Variants in RPAP2 observed in about 807,000 individuals in gnomAD.
The protein encoded by RPAP2 is RNA polymerase II associated protein 2, also known as putative RNA polymerase II subunit B1 CTD phosphatase RPAP2.
A neutral mutation model predicts 73.1 loss-of-function variants in RPAP2; 52 were observed. That is an observed-to-expected ratio of 0.71 (90% CI 0.57 to 0.90). RPAP2 has a LOEUF of 0.90. Ranked by LOEUF, RPAP2 falls within the 40% of genes least tolerant of loss-of-function variation. The pLI is 0.00. For synonymous variants in RPAP2, 225 were observed against 242.1 expected (o/e 0.93, Z 0.65); for missense variants, 598 against 701.8 (o/e 0.85, Z 1.67).
intron 6 of RPAP2, among the ~76,000 whole-genome samples, chr1:92,314,393 A>T: frequency 7.0e-6 from 1 of 143,038 alleles, no homozygotes; most frequent in Non-Finnish European, 1.5e-5. Flanking sequence ...TATTTATTCT[A>T]AGTTGCATAC....
intron 11 of RPAP2, among the ~76,000 whole-genome samples, chr1:92,352,098 C>G (rs1257129166): frequency 6.6e-6 from 1 of 152,162 alleles, no homozygotes; most frequent in Non-Finnish European, 1.5e-5. Flanking sequence ...TTGATGTTCT[C>G]TAATGGAAAG....
chr1:92,376,169 G>A (rs1259032703), intron 11 of RPAP2, among the ~76,000 whole-genome samples: 1 of 152,014 alleles, frequency 6.6e-6, no homozygotes, highest in Non-Finnish European at 1.5e-5. Context: ...ATGATTTAAA[G>A]TATACGGGAG....
intron 11 of RPAP2, among the ~76,000 whole-genome samples, chr1:92,360,096 A>G (rs1357115070): frequency 6.6e-6 from 1 of 152,248 alleles, no homozygotes; most frequent in Admixed American, 6.5e-5. Context: ...CTCAGACCCT[A>G]TCTGACTTCA....
intron 11 of RPAP2, among the ~76,000 whole-genome samples, chr1:92,355,449 G>A (rs1474490691): frequency 1.3e-5 from 2 of 152,146 alleles, no homozygotes; most frequent in African/African-American, 2.4e-5. Context: ...GCTTCTGAAA[G>A]AGATAAAGAT....
intron 6 of RPAP2, among the ~76,000 whole-genome samples, chr1:92,311,932 G>C (rs771813016): frequency 3.9e-5 from 6 of 152,196 alleles, no homozygotes; most frequent in Non-Finnish European, 1.5e-5. Context: ...GAAGGGTCCT[G>C]TTTTGATGTG....
At chr1:92,314,453 T>TA (rs1651792327) in intron 6 of RPAP2, among the ~76,000 whole-genome samples, 1 of 152,094 alleles carries the variant, frequency 6.6e-6, no homozygotes, top group South Asian at 2.1e-4. Context: ...TCACAACTGA[T>TA]AGACTCTTAG....
intron 3 of RPAP2, among the ~76,000 whole-genome samples, chr1:92,303,613 T>C (rs1258723467): frequency 6.6e-6 from 1 of 152,212 alleles, no homozygotes; most frequent in African/African-American, 2.4e-5. Flanking sequence ...ATTTAGTTAA[T>C]TTTTTAAATA....
chr1:92,358,065 A>T (rs1654567627), intron 11 of RPAP2, among the ~76,000 whole-genome samples: 1 of 152,122 alleles, frequency 6.6e-6, no homozygotes, highest in Non-Finnish European at 1.5e-5. Flanking sequence ...GTAGAATAAC[A>T]TCATAAAATC....
chr1:92,356,411 T>C (rs1042449496), intron 11 of RPAP2, among the ~76,000 whole-genome samples: 7 of 151,940 alleles, frequency 4.6e-5, no homozygotes, highest in Non-Finnish European at 8.8e-5. Context: ...GGAATAACAT[T>C]TTCCTTTTTT....
chr1:92,307,193 T>C lies in RPAP2; in HGVS notation c.405T>C (p.Phe135=). ...ATTTATAATGTTCTTTTCAGTCTTT[T>C]TGCAGCAATTTTTGTTATCAAGCAT... The part of the protein sequence containing the change: ...KVYDITERKS[F]CSNFCYQASK... Residue 135 remains phenylalanine, a synonymous_variant, in exon 6 of 13, where the codon TTT becomes TTC. Coordinates refer to ENST00000610020, the MANE Select transcript of RPAP2 (RefSeq NM_024813.3). The C allele has an allele frequency of 6.2e-7, 1 of 1,609,682 alleles. No homozygotes were observed.
intron 11 of RPAP2, among the ~76,000 whole-genome samples, chr1:92,351,999 T>A (rs1487536): frequency 6.6e-6 from 1 of 151,854 alleles, no homozygotes; most frequent in Admixed American, 6.6e-5. Flanking sequence ...ATGAAGGAGA[T>A]GAGTACTTTG....
rs1352391815 is a variant in RPAP2, at chr1:92,393,028, T to C, written c.*6017T>C. 3 of 152,010 alleles carry C rather than the reference T, an allele frequency of 2.0e-5. No individual in the cohort carries two copies. Among genetic ancestry groups the C allele is most frequent in the Non-Finnish European group, 4.4e-5 (3 of 68,008 alleles). 9.4% of individuals were successfully genotyped at this position (152,010 alleles called of 1,614,324 possible). A position where few individuals can be genotyped will look rare whatever the true frequency, so the allele number is the denominator to read the frequency against. On this transcript the variant is annotated 3_prime_UTR_variant, in exon 13 of 13. Coordinates refer to ENST00000610020, the MANE Select transcript of RPAP2 (RefSeq NM_024813.3). ...AAAAGAGCCCACCTAGCCAAGACAA[T>C]CCTGGGCAAGAAGAACAAAGCTGGA...
intron 5 of RPAP2, 41 bp downstream of exon 5, chr1:92,304,390 C>A: frequency 9.0e-7 from 1 of 1,109,434 alleles, no homozygotes; most frequent in South Asian, 1.4e-5. Context: ...AATTTTTTTT[C>A]TTTACTAACC....
At chr1:92,351,260 T>C (rs998262819) in intron 11 of RPAP2, among the ~76,000 whole-genome samples, 3 of 138,182 alleles carry the variant, frequency 2.2e-5, no homozygotes, top group Non-Finnish European at 3.0e-5. Context: ...TAAGCCAAGA[T>C]TGCGCCACTG....
intron 10 of RPAP2, among the ~76,000 whole-genome samples, chr1:92,341,364 T>C (rs764100490): frequency 2.2e-4 from 34 of 152,176 alleles, no homozygotes; most frequent in Non-Finnish European, 3.7e-4. Context: ...CCCTTTTGAA[T>C]TGTCACTCAA....
chr1:92,374,048 T>C (rs772115434), intron 11 of RPAP2, among the ~76,000 whole-genome samples: 1 of 152,198 alleles, frequency 6.6e-6, no homozygotes, highest in Non-Finnish European at 1.5e-5. Context: ...TGTTGTAGCA[T>C]GAAAGCAACT....
intron 11 of RPAP2, among the ~76,000 whole-genome samples, chr1:92,356,683 C>T (rs1233510073): frequency 6.6e-6 from 1 of 151,516 alleles, no homozygotes; most frequent in Non-Finnish European, 1.5e-5. Flanking sequence ...GATCTGCCCA[C>T]CTCAGCCTTC....
chr1:92,318,003 A>G (rs1181706605), intron 6 of RPAP2, among the ~76,000 whole-genome samples: 1 of 152,192 alleles, frequency 6.6e-6, no homozygotes, highest in African/African-American at 2.4e-5. Flanking sequence ...ATCTGCAGCT[A>G]TCACTCCTGA....
In RPAP2 at chr1:92,388,796, G is replaced by C. The variant is rs964544404; in HGVS notation, c.*1785G>C. 4 of 152,366 alleles carry C rather than the reference G, an allele frequency of 2.6e-5. No homozygotes were observed. Among genetic ancestry groups the C allele is most frequent in the African/African-American group, 4.8e-5 (2 of 41,462 alleles). 9.4% of individuals were successfully genotyped at this position (152,366 alleles called of 1,614,324 possible). A position where few individuals can be genotyped will look rare whatever the true frequency, so the allele number is the denominator to read the frequency against. On this transcript the variant is annotated 3_prime_UTR_variant, in exon 13 of 13. Transcript: ENST00000610020. ...CGCCAGCAGTCTGAAATCGACCTGGGACGTGGGAGCTTGGCGGGGTAGAGG... is the reference window on the plus strand; with the variant it reads ...CGCCAGCAGTCTGAAATCGACCTGGCACGTGGGAGCTTGGCGGGGTAGAGG...
Sources: gnomAD v4.1 joint callset for allele counts (sites outside exome capture counted in the v4.1 genomes callset) on GRCh38, gnomAD v4.1.1 for gene constraint, MANE v1.5 for transcripts, NCBI Gene and HGNC (gene_info 2026-07-23, HGNC 2026-07-21) for gene names.